NUP35: variants seen among roughly 807,000 people sequenced by gnomAD.
NUP35 encodes nucleoporin 35.
A neutral mutation model predicts 41.5 loss-of-function variants in NUP35; 25 were observed. That is an observed-to-expected ratio of 0.60 (90% CI 0.44 to 0.84). NUP35 has a LOEUF of 0.84. NUP35 is among the 40% of genes least tolerant of loss of function. NUP35 has a pLI of 0.00. For synonymous variants in NUP35, 149 were observed against 130.7 expected (o/e 1.14, Z -0.96); for missense variants, 396 against 396.6 (o/e 1.00, Z 0.01).
intron 2 of NUP35, among the ~76,000 whole-genome samples, chr2:183,130,217 C>T (rs72892694): frequency 6.6e-6 from 1 of 152,108 alleles, no homozygotes; most frequent in African/African-American, 2.4e-5. Flanking sequence ...CTTATTAGAA[C>T]TGTATAATCT....
At chr2:183,118,723 G>A (rs998041766) in intron 1 of NUP35, 1 of 152,212 alleles carries the variant, frequency 6.6e-6, no homozygotes, top group Non-Finnish European at 1.5e-5. Flanking sequence ...ACCAAGACAA[G>A]TTTTAGAGCA....
chr2:183,151,283 T>C (rs1448892059), intron 4 of NUP35, among the ~76,000 whole-genome samples: 2 of 152,202 alleles, frequency 1.3e-5, no homozygotes, highest in East Asian at 3.8e-4. Flanking sequence ...TTAGATAATT[T>C]ATCATACATA....
intron 4 of NUP35, among the ~76,000 whole-genome samples, chr2:183,135,408 G>T (rs570053322): frequency 3.3e-5 from 5 of 152,242 alleles, no homozygotes; most frequent in African/African-American, 1.2e-4. Context: ...GTGAGGGGGA[G>T]AATAGTGGAA....
chr2:183,161,150 G>T lies in NUP35; in HGVS notation c.*19G>T. 3 of 1,586,580 alleles carry T rather than the reference G, an allele frequency of 1.9e-6. No homozygotes were observed. In the East Asian group the frequency reaches 6.7e-5, roughly 36 times the overall value. ...CTGGTAGTAGAACACCAAGAAGGAGGTTGCTACACTAAAACAGAGTTAGCA... is the reference window on the plus strand; with the variant it reads ...CTGGTAGTAGAACACCAAGAAGGAGTTTGCTACACTAAAACAGAGTTAGCA... On this transcript the variant is annotated 3_prime_UTR_variant, in exon 9 of 9. Transcript: ENST00000295119.
intron 4 of NUP35, among the ~76,000 whole-genome samples, chr2:183,146,495 A>T (rs1375115959): frequency 6.6e-6 from 1 of 152,190 alleles, no homozygotes; most frequent in Non-Finnish European, 1.5e-5. Flanking sequence ...GAGTTCTACA[A>T]ATCTCCAAAC....
intron 1 of NUP35, chr2:183,118,418 A>G (rs1015886347): frequency 1.3e-5 from 2 of 152,230 alleles, no homozygotes; most frequent in Admixed American, 1.3e-4. Flanking sequence ...GGTAATTAGA[A>G]CTATAAACAG....
chr2:183,155,066 CCT>C (rs1416294505), intron 5 of NUP35, among the ~76,000 whole-genome samples: 3 of 152,178 alleles, frequency 2.0e-5, no homozygotes. Flanking sequence ...GATTCAATTA[CCT>C]CTCTCAGGTC....
At chr2:183,159,755 G>A in intron 8 of NUP35, 103 bp downstream of exon 8, 1 of 906,824 alleles carries the variant, frequency 1.1e-6, no homozygotes, top group South Asian at 1.6e-5. Flanking sequence ...AATGTTTCCT[G>A]TGGAGGCTAT....
intron 4 of NUP35, among the ~76,000 whole-genome samples, chr2:183,140,667 C>A (rs930554631): frequency 2.0e-5 from 3 of 151,804 alleles, no homozygotes; most frequent in Non-Finnish European, 4.4e-5. Flanking sequence ...ACAAAAACTA[C>A]AAGAAATTAG....
chr2:183,146,635 C>T (rs1685288138), intron 4 of NUP35, among the ~76,000 whole-genome samples: 1 of 151,682 alleles, frequency 6.6e-6, no homozygotes, highest in African/African-American at 2.4e-5. Flanking sequence ...GTCTCACTGT[C>T]ACCCAGGCTG....
chr2:183,146,474 ACTG>A (rs1476206749), intron 4 of NUP35, among the ~76,000 whole-genome samples: 1 of 152,232 alleles, frequency 6.6e-6, no homozygotes, highest in Non-Finnish European at 1.5e-5. Flanking sequence ...TTCAAATAGT[ACTG>A]CTATTTTGAG....
chr2:183,156,494 C>T (rs1219654613), intron 5 of NUP35, among the ~76,000 whole-genome samples: 1 of 152,142 alleles, frequency 6.6e-6, no homozygotes, highest in Non-Finnish European at 1.5e-5. Flanking sequence ...TGCCCGCCAC[C>T]ATGCCCAGCT....
At chr2:183,160,546 CTAAT>C (rs1685836116) in intron 8 of NUP35, 1 of 151,858 alleles carries the variant, frequency 6.6e-6, no homozygotes, top group Non-Finnish European at 1.5e-5. Context: ...CCACGCCCAG[CTAAT>C]TTTTTGTATT....
chr2:183,144,952 G>A (rs1369970766), intron 4 of NUP35, among the ~76,000 whole-genome samples: 2 of 152,002 alleles, frequency 1.3e-5, no homozygotes, highest in Non-Finnish European at 1.5e-5. Flanking sequence ...GTCACAATTC[G>A]AACCTTCATT....
chr2:183,153,466 C>A (rs142589813), intron 5 of NUP35, among the ~76,000 whole-genome samples: 8,217 of 152,240 alleles, frequency 0.054, 284 homozygotes, highest in Middle Eastern at 0.082. Context: ...TGGGTAAATA[C>A]AGCCATTCCA....
rs1292418202 is a variant in NUP35, at chr2:183,159,471, T to C, written c.739-17T>C. 6.2e-7 allele frequency: 1 copy of C among 1,601,002 alleles called. No individual in the cohort carries two copies. Among genetic ancestry groups the C allele is most frequent in the South Asian group, 1.1e-5 (1 of 90,166 alleles). On this transcript the variant is annotated splice_polypyrimidine_tract_variant and intron_variant, in intron 7 of 8. Transcript: ENST00000295119. ...ATTATGTTTATAAACAAAGGAGTTA[T>C]TTCTTTGTTTCTCCAGAGTGTTATG...
At chr2:183,156,012 T>C (rs1357784413) in intron 5 of NUP35, among the ~76,000 whole-genome samples, 2 of 152,222 alleles carry the variant, frequency 1.3e-5, no homozygotes, top group African/African-American at 2.4e-5. Context: ...GGATGCATTA[T>C]ATATGTTCTT....
At chr2:183,121,818 G>A (rs534509024), upstream of NUP35, among the ~76,000 whole-genome samples, 21 of 151,790 alleles carry the variant, frequency 1.4e-4, no homozygotes, top group African/African-American at 5.1e-4. Context: ...GTGACAGAGC[G>A]AGACTACATC....
intron 4 of NUP35, among the ~76,000 whole-genome samples, chr2:183,135,408 G>A (rs570053322): frequency 6.6e-6 from 1 of 152,242 alleles, no homozygotes; most frequent in South Asian, 2.1e-4. Flanking sequence ...GTGAGGGGGA[G>A]AATAGTGGAA....
Sources: gnomAD v4.1 joint callset for allele counts (sites outside exome capture counted in the v4.1 genomes callset) on GRCh38, gnomAD v4.1.1 for gene constraint, MANE v1.5 for transcripts, NCBI Gene and HGNC (gene_info 2026-07-23, HGNC 2026-07-21) for gene names.